OTULIN: variants seen among roughly 807,000 people sequenced by gnomAD.
OTULIN encodes the protein ubiquitin thioesterase otulin.
Under a neutral mutation model 39.6 loss-of-function variants are expected in OTULIN, and 15 were observed. That is an observed-to-expected ratio of 0.38 (90% confidence interval 0.25 to 0.58). OTULIN has a LOEUF of 0.58. Among genes scored for constraint, OTULIN ranks in the 20% least tolerant of loss-of-function variants. The probability of loss-of-function intolerance (pLI) is 0.66; values close to 1 mark genes in which losing one functional copy is unlikely to be tolerated. For missense variants in OTULIN, 319 were observed against 445.9 expected (o/e 0.72, Z 2.56); for synonymous variants, 156 against 170.3 (o/e 0.92, Z 0.65).
intron 6 of OTULIN, among the ~76,000 whole-genome samples, chr5:14,691,707 G>A (rs1579977846): frequency 6.6e-6 from 1 of 151,376 alleles, no homozygotes; most frequent in East Asian, 1.9e-4. Context: ...TAATTTTAGA[G>A]CATTTTGTCA....
At chr5:14,669,311 G>T (rs947183142) in intron 1 of OTULIN, among the ~76,000 whole-genome samples, 3 of 152,176 alleles carry the variant, frequency 2.0e-5, no homozygotes, top group African/African-American at 7.2e-5. Flanking sequence ...GTTGCAGTGA[G>T]CCGAGACTGC....
chr5:14,680,022 A>G (rs1436809018), intron 3 of OTULIN, among the ~76,000 whole-genome samples: 1 of 152,182 alleles, frequency 6.6e-6, no homozygotes, highest in Non-Finnish European at 1.5e-5. Flanking sequence ...TTTAGTCCTT[A>G]TTGGCGTGAT....
intron 6 of OTULIN, 52 bp from the exon 7 acceptor site, chr5:14,692,802 C>T (rs1736564489): frequency 6.5e-7 from 1 of 1,548,402 alleles, no homozygotes; most frequent in Non-Finnish European, 8.9e-7. Flanking sequence ...GGTGTTAAGC[C>T]ACGTTTTTCA....
At chr5:14,680,620 C>G (rs1736222384) in intron 3 of OTULIN, among the ~76,000 whole-genome samples, 1 of 152,154 alleles carries the variant, frequency 6.6e-6, no homozygotes, top group Non-Finnish European at 1.5e-5. Context: ...TGCTGGGGGA[C>G]CAGACTCACT....
intron 1 of OTULIN, among the ~76,000 whole-genome samples, chr5:14,668,309 C>T (rs1735899619): frequency 6.6e-6 from 1 of 152,178 alleles, no homozygotes; most frequent in Non-Finnish European, 1.5e-5. Flanking sequence ...CTCTAAGAAT[C>T]AAACCTTATT....
Position 14,667,813 on chromosome 5 carries a change from A to G in OTULIN, c.152+2836A>G, listed in dbSNP as rs141598680. The stretch of plus-strand genomic sequence containing the variant: ...ACAAGTCCTAAGGATGGCTTGAAAC[A>G]TAACTTAGGGTCATATTTGAAGAAC... On this transcript the variant is annotated intron_variant, in intron 1 of 6. Coordinates refer to ENST00000284274, the MANE Select transcript of OTULIN (RefSeq NM_138348.6). 5.3e-3 allele frequency among the ~76,000 whole-genome samples: 805 copies of G among 152,312 alleles called. 6 individuals carry two copies. Among genetic ancestry groups the G allele is most frequent in the African/African-American group, 0.018 (762 of 41,558 alleles).
Position 14,687,538 on chromosome 5 carries a change from A to C in OTULIN, c.486A>C (p.Ile162=), listed in dbSNP as rs957706147. ...PELMLLPEKL[I]SKYNWIKQWK... The stretch of plus-strand genomic sequence containing the variant: ...TGTTGTAGTTACCAGAAAAACTCAT[A>C]AGCAAATACAACTGGATCAAGCAAT... The change falls in exon 5 of 7, where the codon ATA becomes ATC. Residue 162 remains isoleucine (I), a synonymous_variant. Coordinates refer to ENST00000284274, the MANE Select transcript of OTULIN (RefSeq NM_138348.6). The C allele has an allele frequency of 1.2e-6, 2 of 1,613,052 alleles. No individual in the cohort carries two copies. The highest frequency in any genetic ancestry group is 2.7e-5 in the African/African-American group (2 of 74,818).
chr5:14,678,055 G>C (rs535872018), intron 2 of OTULIN, among the ~76,000 whole-genome samples: 11 of 152,274 alleles, frequency 7.2e-5, no homozygotes, highest in African/African-American at 2.6e-4. Flanking sequence ...TGTGTGGGGG[G>C]TGGTGGGTGA....
intron 2 of OTULIN, among the ~76,000 whole-genome samples, chr5:14,677,017 C>CACT (rs1240499928): frequency 6.6e-6 from 1 of 152,068 alleles, no homozygotes; most frequent in Non-Finnish European, 1.5e-5. Context: ...ATAAATATGT[C>CACT]TATGTTATCT....
At chr5:14,667,649 A>C (rs2126811553) in intron 1 of OTULIN, among the ~76,000 whole-genome samples, 1 of 152,254 alleles carries the variant, frequency 6.6e-6, no homozygotes, top group East Asian at 1.9e-4. Context: ...TCCTGGGATT[A>C]CAGGCGTGAG....
chr5:14,685,312 C>A (rs2051333645), intron 4 of OTULIN, among the ~76,000 whole-genome samples: 3 of 152,170 alleles, frequency 2.0e-5, no homozygotes, highest in African/African-American at 7.2e-5. Flanking sequence ...TAGTCACAAA[C>A]AAAATGACAC....
chr5:14,668,774 T>G (rs1390134053), intron 1 of OTULIN, among the ~76,000 whole-genome samples: 1 of 152,238 alleles, frequency 6.6e-6, no homozygotes, highest in Non-Finnish European at 1.5e-5. Context: ...GAATTGATTT[T>G]TTTTCTGTAC....
At chr5:14,714,000 A>G in the OTULIN span, among the ~76,000 whole-genome samples, 2 of 152,336 alleles carry the variant, frequency 1.3e-5, no homozygotes, top group South Asian at 4.1e-4. This position sits in a 1 kb window ranked among gnomAD's most constrained non-coding sequence, Gnocchi z 4.4. Flanking sequence ...CCCTCTGATC[A>G]TCTACCTCTA....
At chr5:14,691,472 A>C (rs1736524294) in intron 6 of OTULIN, among the ~76,000 whole-genome samples, 1 of 152,212 alleles carries the variant, frequency 6.6e-6, no homozygotes, top group Non-Finnish European at 1.5e-5. Context: ...AATGTGGGTT[A>C]CTTACGTCTC....
chr5:14,700,594 C>T (rs1010775268), downstream of OTULIN, among the ~76,000 whole-genome samples: 9 of 119,864 alleles, frequency 7.5e-5, no homozygotes, highest in African/African-American at 2.8e-4. Flanking sequence ...ACCCTCTGTG[C>T]TCACCCTCCG....
intron 4 of OTULIN, among the ~76,000 whole-genome samples, chr5:14,683,440 T>C (rs760256057): frequency 1.3e-5 from 2 of 152,248 alleles, no homozygotes; most frequent in Non-Finnish European, 2.9e-5. Flanking sequence ...TATTTCAGAA[T>C]TGCCAGTTGG....
chr5:14,664,856 G>A lies in OTULIN; in HGVS notation c.31G>A (p.Ala11Thr). The change falls in exon 1 of 7, where the codon GCG (alanine) becomes ACG (threonine). Residue 11 changes from alanine to threonine, a missense_variant. Ala to Thr is a moderately conservative substitution (Grantham distance 58, BLOSUM62 0). This residue lies in a region of OTULIN where 132 missense variants were observed against 143.7 expected (regional missense o/e 0.92). Coordinates refer to ENST00000284274, the MANE Select transcript of OTULIN (RefSeq NM_138348.6). Reference protein sequence around the residue: MSRGTMPQPEAWPGASCAETP... With the variant: MSRGTMPQPETWPGASCAETP... ...TCGGGGGACTATGCCCCAGCCCGAA[G>A]CGTGGCCAGGCGCGAGCTGCGCCGA... is the stretch of plus-strand genomic sequence containing the variant. The A allele has an allele frequency of 8.3e-7, 1 of 1,209,592 alleles. No homozygotes were observed. The highest frequency in any genetic ancestry group is 1.6e-5 in the African/African-American group (1 of 63,692). 74.9% of individuals were successfully genotyped at this position (1,209,592 alleles called of 1,614,324 possible). A position where few individuals can be genotyped will look rare whatever the true frequency, so the allele number is the denominator to read the frequency against.
intron 2 of OTULIN, among the ~76,000 whole-genome samples, chr5:14,678,452 A>C (rs1375886539): frequency 6.6e-6 from 1 of 152,196 alleles, no homozygotes; most frequent in Non-Finnish European, 1.5e-5. Context: ...TATCATGTGG[A>C]TAATGGTCTG....
In OTULIN at chr5:14,697,616, A is replaced by G. The variant is rs962471037; in HGVS notation, c.*4568A>G. 3 of 152,224 alleles carry G rather than the reference A, an allele frequency of 2.0e-5. No homozygotes were observed. Among genetic ancestry groups the G allele is most frequent in the Non-Finnish European group, 4.4e-5 (3 of 68,040 alleles). The allele number at this position is 152,224 out of a possible 1,614,324, so 9.4% of individuals were successfully genotyped here. On this transcript the variant is annotated 3_prime_UTR_variant, in exon 7 of 7. Transcript: ENST00000284274. ...TTAATTGTATTGAAATGTTATATCAATACATCATTTATGATGTGTGTGTGG... is the reference window on the plus strand; with the variant it reads ...TTAATTGTATTGAAATGTTATATCAGTACATCATTTATGATGTGTGTGTGG...
Sources: allele counts gnomAD v4.1 joint callset (sites outside exome capture counted in the v4.1 genomes callset), GRCh38; gene constraint gnomAD v4.1.1; regional missense constraint gnomAD v4.1.1; non-coding constraint Gnocchi (gnomAD v3.1); transcripts MANE v1.5; gene names NCBI Gene and HGNC (gene_info 2026-07-23, HGNC 2026-07-21).